The following IL20RB variants were observed in gnomAD, a reference collection of about 807,000 sequenced individuals.
IL20RB encodes interleukin-20 receptor subunit beta.
A neutral mutation model predicts 33.3 loss-of-function variants in IL20RB; 21 were observed. The ratio of observed to expected loss-of-function variants is 0.63; its 90% CI spans 0.45 to 0.91. The LOEUF is 0.91. Among genes scored for constraint, IL20RB ranks in the 40% least tolerant of loss-of-function variants. The pLI, the probability that IL20RB is intolerant of heterozygous loss-of-function variation, is 0.00. For missense variants in IL20RB, 345 were observed against 384.8 expected (o/e 0.90, Z 0.86); for synonymous variants, 147 against 146.8 (o/e 1.00, Z -0.01).
At chr3:136,985,351 T>C (rs1005585468) in intron 3 of IL20RB, among the ~76,000 whole-genome samples, 1 of 151,648 alleles carries the variant, frequency 6.6e-6, no homozygotes, top group Non-Finnish European at 1.5e-5. Context: ...TTTTTTTTTT[T>C]TTTGAGATGG....
At chr3:136,958,421 C>A (rs1001810979) in intron 1 of IL20RB, among the ~76,000 whole-genome samples, 16 of 152,186 alleles carry the variant, frequency 1.1e-4, no homozygotes, top group Non-Finnish European at 1.2e-4. Flanking sequence ...ACACAACAAT[C>A]TAGAAAGAGA....
intron 6 of IL20RB, among the ~76,000 whole-genome samples, chr3:136,996,238 G>C (rs1425296995): frequency 6.6e-6 from 1 of 152,090 alleles, no homozygotes; most frequent in Non-Finnish European, 1.5e-5. Flanking sequence ...AAACACAAAA[G>C]CAGGCCTCCA....
intron 6 of IL20RB, among the ~76,000 whole-genome samples, chr3:137,004,545 A>T (rs1942314003): frequency 6.6e-6 from 1 of 151,830 alleles, no homozygotes. Flanking sequence ...TTTCTAGTTT[A>T]TTTGCGTAGA....
intron 1 of IL20RB, among the ~76,000 whole-genome samples, chr3:136,976,419 G>T: frequency 6.6e-6 from 1 of 152,174 alleles, no homozygotes; most frequent in East Asian, 1.9e-4. Flanking sequence ...AGTAGGTGGG[G>T]AATATGCACC....
At chr3:136,995,849 C>T (rs1356856753) in intron 6 of IL20RB, among the ~76,000 whole-genome samples, 1 of 152,174 alleles carries the variant, frequency 6.6e-6, no homozygotes, top group African/African-American at 2.4e-5. Flanking sequence ...CTCAGCATTG[C>T]AGGAGTCACT....
chr3:136,978,268 C>CAAG (rs1424471812), intron 1 of IL20RB, among the ~76,000 whole-genome samples: 1 of 151,368 alleles, frequency 6.6e-6, no homozygotes, highest in East Asian at 1.9e-4. Context: ...CAGGTTCAAG[C>CAAG]AAGTCTCCTG....
intron 1 of IL20RB, among the ~76,000 whole-genome samples, chr3:136,978,955 AAATT>A (rs1941701339): frequency 2.0e-5 from 3 of 152,288 alleles, no homozygotes; most frequent in South Asian, 4.1e-4. Flanking sequence ...ATTAATTAAT[AAATT>A]GATTTGTTGA....
intron 3 of IL20RB, among the ~76,000 whole-genome samples, chr3:136,982,648 G>A (rs1447306961): frequency 6.6e-6 from 1 of 151,806 alleles, no homozygotes; most frequent in Non-Finnish European, 1.5e-5. Flanking sequence ...AAGTGAAGAG[G>A]TGGCACCAGG....
rs370349198 is a variant in IL20RB, at chr3:136,992,842, C to G, written c.682+754C>G. The stretch of plus-strand genomic sequence containing the variant: ...CTTGGCCTCCAAAGAGCTGAGATTA[C>G]AGGTGTGAGCCACCATGCTCAGCTC... On this transcript the variant is annotated intron_variant, in intron 5 of 6. Coordinates refer to ENST00000329582, the MANE Select transcript of IL20RB (RefSeq NM_144717.4). Among the ~76,000 whole-genome samples the G allele has an allele frequency of 8.5e-5, 13 of 152,254 alleles. No individual in the cohort carries two copies. The East Asian group carries it at 2.3e-3, about 27-fold the overall frequency.
chr3:136,984,218 G>A (rs1399669451), intron 3 of IL20RB, among the ~76,000 whole-genome samples: 2 of 152,182 alleles, frequency 1.3e-5, no homozygotes, highest in African/African-American at 2.4e-5. Flanking sequence ...GAGAGGACAA[G>A]GTCCTGGAAA....
At chr3:136,985,046 A>G (rs1168281080) in intron 3 of IL20RB, among the ~76,000 whole-genome samples, 1 of 152,156 alleles carries the variant, frequency 6.6e-6, no homozygotes, top group Non-Finnish European at 1.5e-5. Context: ...CTACAAAACT[A>G]TGTGGGTGGG....
intron 3 of IL20RB, among the ~76,000 whole-genome samples, chr3:136,987,728 G>A (rs1175905204): frequency 2.0e-5 from 3 of 152,216 alleles, no homozygotes; most frequent in African/African-American, 7.2e-5. Flanking sequence ...CCCGAGCCAC[G>A]CCCCACGGGA....
intron 6 of IL20RB, among the ~76,000 whole-genome samples, chr3:137,005,086 T>A (rs1577035064): frequency 6.6e-6 from 1 of 152,208 alleles, no homozygotes; most frequent in East Asian, 1.9e-4. Context: ...TTTGAGTGAG[T>A]TTCTTAATCT....
chr3:136,966,648 C>G (rs1577009644), intron 1 of IL20RB, among the ~76,000 whole-genome samples: 1 of 63,706 alleles, frequency 1.6e-5, no homozygotes, highest in East Asian at 1.8e-3. Context: ...AAAAAACCAG[C>G]TCCTGGATTC....
chr3:136,963,695 T>TAAA lies in IL20RB; in HGVS notation c.88+5494_88+5495insAAA, dbSNP rs1354617238. 3.5e-4 allele frequency among the ~76,000 whole-genome samples: 41 copies of TAAA among 115,846 alleles called. No individual in the cohort carries two copies. The East Asian group carries it at 5.7e-3, about 16-fold the overall frequency. 76.0% of individuals were successfully genotyped at this position (115,846 alleles called of 152,430 possible). A position where few individuals can be genotyped will look rare whatever the true frequency, so the allele number is the denominator to read the frequency against. On this transcript the variant is annotated intron_variant, in intron 1 of 6. Transcript: ENST00000329582. ...ACTAGTTCTTTTTTTTTTTTTTTAT[T>TAAA]TTTTTTTTTTATTATACTCTAAGTT...
At chr3:137,008,776 C>T (rs182360184) in intron 6 of IL20RB, among the ~76,000 whole-genome samples, 5 of 151,758 alleles carry the variant, frequency 3.3e-5, no homozygotes, top group African/African-American at 7.3e-5. Flanking sequence ...TTTTAAGTGA[C>T]GTGTTAAAAT....
intron 1 of IL20RB, among the ~76,000 whole-genome samples, chr3:136,977,210 C>T (rs1941640844): frequency 6.6e-6 from 1 of 152,044 alleles, no homozygotes; most frequent in South Asian, 2.1e-4. Flanking sequence ...TGAAGCCCCT[C>T]CCCCTCCTTT....
intron 1 of IL20RB, among the ~76,000 whole-genome samples, chr3:136,978,826 G>C (rs1941697859): frequency 6.6e-6 from 1 of 152,034 alleles, no homozygotes; most frequent in Non-Finnish European, 1.5e-5. Flanking sequence ...CTATGTTTTA[G>C]AGGAAATTGC....
intron 1 of IL20RB, among the ~76,000 whole-genome samples, chr3:136,974,570 T>C (rs1471173081): frequency 6.6e-6 from 1 of 152,194 alleles, no homozygotes; most frequent in Non-Finnish European, 1.5e-5. Context: ...GTTTGCTCTT[T>C]ATCTTTGACT....
Sources: allele counts gnomAD v4.1 joint callset (sites outside exome capture counted in the v4.1 genomes callset), GRCh38; gene constraint gnomAD v4.1.1; transcripts MANE v1.5; gene names NCBI Gene and HGNC (gene_info 2026-07-23, HGNC 2026-07-21).